MBNL2: variants seen among roughly 807,000 people sequenced by gnomAD.
MBNL2 encodes muscleblind like splicing regulator 2, also known as muscleblind-like protein 2.
MBNL2 carries 17 observed loss-of-function variants against 41.9 expected under a neutral mutation model. The ratio of observed to expected loss-of-function variants is 0.41; its 90% CI spans 0.28 to 0.61. The LOEUF is 0.61. Among genes scored for constraint, MBNL2 ranks in the 20% least tolerant of loss-of-function variants. The pLI, the probability that MBNL2 is intolerant of heterozygous loss-of-function variation, is 0.35. For synonymous variants in MBNL2, 195 were observed against 182.9 expected (o/e 1.07, Z -0.53); for missense variants, 336 against 505.6 (o/e 0.66, Z 3.22).
At chr13:97,142,053 A>T in the MBNL2 span, among the ~76,000 whole-genome samples, 1 of 152,194 alleles carries the variant, frequency 6.6e-6, no homozygotes, top group African/African-American at 2.4e-5. Flanking sequence ...AAAGAAAAAA[A>T]ATTGACTAGC....
At position 97,320,065 on chromosome 13, in the gene MBNL2, G is replaced by A. The variant is rs149414117; in HGVS notation, c.175-14211G>A. Among the ~76,000 whole-genome samples, 46 of 152,234 alleles carry A rather than the reference G, an allele frequency of 3.0e-4. No homozygotes were observed. In the East Asian group the frequency reaches 5.4e-3, roughly 18 times the overall value. ...ACTGTAGTATTTTGCTGGTGTAACC[G>A]CCAATCTCAAGACAAAATACATTAT... On this transcript the variant is annotated intron_variant, in intron 2 of 8. Coordinates refer to ENST00000679496, the MANE Select transcript of MBNL2 (RefSeq NM_001382683.1).
chr13:97,180,129 CAG>C, the MBNL2 span, among the ~76,000 whole-genome samples: 873 of 152,220 alleles, frequency 5.7e-3, 24 homozygotes, highest in Admixed American at 0.046. Flanking sequence ...GCAATTGAAA[CAG>C]AGAGAATTAG....
the MBNL2 span, among the ~76,000 whole-genome samples, chr13:97,166,640 G>C: frequency 6.6e-6 from 1 of 152,112 alleles, no homozygotes; most frequent in East Asian, 1.9e-4. Flanking sequence ...TTTCTCCAGT[G>C]CTGGATGCTT....
chr13:97,188,024 A>G, the MBNL2 span, among the ~76,000 whole-genome samples: 1 of 152,156 alleles, frequency 6.6e-6, no homozygotes. Flanking sequence ...GTTTCTCATC[A>G]CCACCACTGA....
Position 97,325,617 on chromosome 13 carries a change from C to T in MBNL2, c.175-8659C>T, listed in dbSNP as rs1362899997. Among the ~76,000 whole-genome samples the T allele has an allele frequency of 5.3e-5, 8 of 152,146 alleles. No homozygotes were observed. In the East Asian group the frequency reaches 1.3e-3, roughly 26 times the overall value. On this transcript the variant is annotated intron_variant, in intron 2 of 8. Transcript: ENST00000679496. ...TGGTGGTAAGCACCTGTAGTCCCAG[C>T]TACTTGGGAGGCTGACGTAGGAGAA... is the stretch of plus-strand genomic sequence containing the variant.
intron 2 of MBNL2, among the ~76,000 whole-genome samples, chr13:97,296,763 T>C (rs1393414564): frequency 6.6e-6 from 1 of 152,188 alleles, no homozygotes; most frequent in Non-Finnish European, 1.5e-5. Context: ...TGAGGGAGGC[T>C]AGACCAACAG....
In MBNL2 at chr13:97,356,777, C is replaced by T. The variant is rs762910971; in HGVS notation, c.805-19C>T. On this transcript the variant is annotated intron_variant, in intron 5 of 8. Coordinates refer to ENST00000679496, the MANE Select transcript of MBNL2 (RefSeq NM_001382683.1). ...CATTGGCCCACTGCCATCATGTGCT[C>T]GCTGCCTGTTATTAAAAGACTCAGT... 2.9e-6 allele frequency: 4 copies of T among 1,359,654 alleles called. No homozygotes were observed. The highest frequency in any genetic ancestry group is 1.1e-5 in the South Asian group (1 of 87,908). 84.2% of individuals were successfully genotyped at this position (1,359,654 alleles called of 1,614,324 possible). A position where few individuals can be genotyped will look rare whatever the true frequency, so the allele number is the denominator to read the frequency against.
intron 1 of MBNL2, among the ~76,000 whole-genome samples, chr13:97,264,543 G>A (rs762710790): frequency 9.4e-4 from 143 of 152,200 alleles, no homozygotes; most frequent in African/African-American, 3.1e-3. Context: ...ATTATTTATT[G>A]TATAAAGTAG....
intron 3 of MBNL2, among the ~76,000 whole-genome samples, chr13:97,339,866 T>TGGGGGGGGGGGGGGGGGGGG (rs1333514307): frequency 1.3e-5 from 1 of 79,446 alleles, no homozygotes; most frequent in African/African-American, 7.7e-5. Flanking sequence ...AACTGATTTG[T>TGGGGGGGGGGGGGGGGGGGG]GTGTGGGCGG....
At chr13:97,153,310 C>CGT in the MBNL2 span, among the ~76,000 whole-genome samples, 1 of 150,810 alleles carries the variant, frequency 6.6e-6, no homozygotes, top group African/African-American at 2.5e-5. Flanking sequence ...TGTGTTTGAG[C>CGT]GTGTGTGTGA....
At chr13:97,146,194 G>A in the MBNL2 span, among the ~76,000 whole-genome samples, 4 of 151,180 alleles carry the variant, frequency 2.6e-5, no homozygotes, top group Admixed American at 1.3e-4. Flanking sequence ...GTAGAGATGG[G>A]GTTTCACCAT....
Position 97,262,626 on chromosome 13 carries a change from T to C in MBNL2, c.-604-13006T>C, listed in dbSNP as rs559460848. 5.3e-4 allele frequency among the ~76,000 whole-genome samples: 80 copies of C among 152,320 alleles called. 4 individuals are homozygous for C. Among genetic ancestry groups the C allele is most frequent in the Admixed American group, 4.9e-3 (75 of 15,296 alleles). On this transcript the variant is annotated intron_variant, in intron 1 of 8. Transcript: ENST00000679496. ...TCCATGGTTTTAGCAGTCATTTCCATGGCCATGAACTCCAACTCTGGATCC... is the reference window on the plus strand; with the variant it reads ...TCCATGGTTTTAGCAGTCATTTCCACGGCCATGAACTCCAACTCTGGATCC...
At chr13:97,350,393 T>C (rs2062334483) in intron 5 of MBNL2, among the ~76,000 whole-genome samples, 1 of 152,148 alleles carries the variant, frequency 6.6e-6, no homozygotes, top group Non-Finnish European at 1.5e-5. Context: ...CTGTGGTAAT[T>C]TCTTAAAAAT....
At chr13:97,290,590 G>A (rs1594161967) in intron 2 of MBNL2, among the ~76,000 whole-genome samples, 2 of 151,778 alleles carry the variant, frequency 1.3e-5, no homozygotes, top group Admixed American at 6.6e-5. Context: ...GCAGGAGAAC[G>A]GCGTGAACCC....
intron 8 of MBNL2, among the ~76,000 whole-genome samples, chr13:97,385,823 C>T (rs890086122): frequency 6.6e-6 from 1 of 152,192 alleles, no homozygotes; most frequent in Non-Finnish European, 1.5e-5. Flanking sequence ...CACCATTCTG[C>T]ATGAGGACTG....
intron 2 of MBNL2, among the ~76,000 whole-genome samples, chr13:97,312,575 G>T (rs1594195230): frequency 6.6e-6 from 1 of 152,112 alleles, no homozygotes; most frequent in Non-Finnish European, 1.5e-5. Context: ...AGTCTATAAT[G>T]GTAGCTCTCA....
At chr13:97,382,303 A>G (rs1002511425) in intron 8 of MBNL2, among the ~76,000 whole-genome samples, 15 of 152,246 alleles carry the variant, frequency 9.9e-5, no homozygotes, top group Non-Finnish European at 2.2e-4. Context: ...TGGCATTTTT[A>G]TAAGTAACAC....
chr13:97,318,762 AAGAG>A (rs2059260880), intron 2 of MBNL2, among the ~76,000 whole-genome samples: 2 of 152,166 alleles, frequency 1.3e-5, no homozygotes, highest in Non-Finnish European at 2.9e-5. Flanking sequence ...GGCAGGTCCT[AAGAG>A]AAAGAGGAAG....
At chr13:97,310,166 G>T (rs781059437) in intron 2 of MBNL2, among the ~76,000 whole-genome samples, 67 of 152,220 alleles carry the variant, frequency 4.4e-4, no homozygotes, top group Non-Finnish European at 8.8e-5. Context: ...GCTTGCAAAG[G>T]CCTGGGTTAG....
Sources: gnomAD v4.1 joint callset for allele counts (sites outside exome capture counted in the v4.1 genomes callset) on GRCh38, gnomAD v4.1.1 for gene constraint, MANE v1.5 for transcripts, NCBI Gene and HGNC (gene_info 2026-07-23, HGNC 2026-07-21) for gene names.